Variants in DNAJC8 observed in about 807,000 individuals in gnomAD.
DNAJC8 encodes dnaJ homolog subfamily C member 8.
Under a neutral mutation model 43.2 loss-of-function variants are expected in DNAJC8, and 24 were observed. The ratio of observed to expected loss-of-function variants is 0.56; its 90% CI spans 0.40 to 0.78. The LOEUF (loss-of-function observed/expected upper bound fraction) is 0.78, where lower values mean the gene tolerates loss of function less well. Among genes scored for constraint, DNAJC8 ranks in the 30% least tolerant of loss-of-function variants. The pLI is 0.00. For missense variants in DNAJC8, 207 were observed against 299.4 expected (o/e 0.69, Z 2.28); for synonymous variants, 83 against 98.0 (o/e 0.85, Z 0.90).
At position 28,232,984 on chromosome 1, in the gene DNAJC8, T is replaced by C. The variant is rs1297280520; in HGVS notation, c.15A>G (p.Gly5=). The part of the protein sequence containing the change: MAAS[G]ESGTSGGGGS... ...CTCCGCCGCCTGAAGTCCCGCTCTCTCCTGAAGCCGCCATTTCCCCGGCCC... is the reference window on the plus strand; with the variant it reads ...CTCCGCCGCCTGAAGTCCCGCTCTCCCCTGAAGCCGCCATTTCCCCGGCCC... The change falls in exon 1 of 9, where the codon GGA becomes GGG. Residue 5 remains glycine, a synonymous_variant. Transcript: ENST00000263697. 1 of 1,612,520 alleles carries C rather than the reference T, an allele frequency of 6.2e-7. No individual in the cohort carries two copies. Among genetic ancestry groups the C allele is most frequent in the South Asian group, 1.1e-5 (1 of 91,072 alleles).
intron 5 of DNAJC8, chr1:28,208,629 T>C: frequency 2.9e-6 from 1 of 345,290 alleles, no homozygotes; most frequent in East Asian, 4.4e-5. Context: ...TCATCTAAAA[T>C]CCAATCTACC....
chr1:28,215,307 AAG>A (rs1646843548), intron 2 of DNAJC8, among the ~76,000 whole-genome samples: 1 of 152,308 alleles, frequency 6.6e-6, no homozygotes, highest in East Asian at 1.9e-4. Context: ...CATTCATTAA[AAG>A]AGTTTAACTC....
chr1:28,225,705 A>ATTTT (rs199980896), intron 2 of DNAJC8, among the ~76,000 whole-genome samples: 5 of 137,500 alleles, frequency 3.6e-5, no homozygotes, highest in Non-Finnish European at 4.7e-5. Flanking sequence ...TTAAATGGTA[A>ATTTT]TTTTTTTTTT....
chr1:28,218,947 A>C (rs1482632565), intron 2 of DNAJC8, among the ~76,000 whole-genome samples: 1 of 152,178 alleles, frequency 6.6e-6, no homozygotes, highest in East Asian at 1.9e-4. Flanking sequence ...TCTGAGGAAA[A>C]GGAATCTCTA....
chr1:28,221,527 T>C (rs1646898337), intron 2 of DNAJC8, among the ~76,000 whole-genome samples: 1 of 152,112 alleles, frequency 6.6e-6, no homozygotes, highest in Non-Finnish European at 1.5e-5. Flanking sequence ...CAATAACTAA[T>C]AGGGCACTAA....
Position 28,200,438 on chromosome 1 carries a change from T to C in DNAJC8, c.*810A>G. On this transcript the variant is annotated 3_prime_UTR_variant, in exon 9 of 9. Transcript: ENST00000263697. ...CTGCTGCAGTAATTCATATTCCCAT[T>C]TCATAGATGAAGAAACTAAGGTTCA... is the stretch of plus-strand genomic sequence containing the variant. 1 of 454,686 alleles carries C rather than the reference T, an allele frequency of 2.2e-6. No individual in the cohort carries two copies. The highest frequency in any genetic ancestry group is 4.4e-6 in the Non-Finnish European group (1 of 226,276). The allele number at this position is 454,686 out of a possible 1,614,324, so 28.2% of individuals were successfully genotyped here.
intron 3 of DNAJC8, among the ~76,000 whole-genome samples, chr1:28,211,614 A>G (rs1646810997): frequency 6.6e-6 from 1 of 151,638 alleles, no homozygotes; most frequent in South Asian, 2.1e-4. Flanking sequence ...CTTCTGAAAA[A>G]GACAACATTC....
chr1:28,221,780 A>G (rs1054215278), intron 2 of DNAJC8, among the ~76,000 whole-genome samples: 98 of 152,318 alleles, frequency 6.4e-4, no homozygotes, highest in African/African-American at 2.2e-3. Context: ...GTACTCTTCA[A>G]TATTTATACA....
chr1:28,202,685 G>A (rs1422634976), intron 8 of DNAJC8, among the ~76,000 whole-genome samples: 1 of 140,756 alleles, frequency 7.1e-6, no homozygotes, highest in Non-Finnish European at 1.5e-5. Flanking sequence ...GGTTCACACC[G>A]TTCTCCTGCC....
intron 6 of DNAJC8, among the ~76,000 whole-genome samples, chr1:28,207,119 T>G (rs976370842): frequency 5.3e-5 from 8 of 151,658 alleles, no homozygotes; most frequent in African/African-American, 1.9e-4. Context: ...GGTCCACGCC[T>G]GTAATCCCAG....
intron 6 of DNAJC8, among the ~76,000 whole-genome samples, chr1:28,206,723 G>A (rs1646770851): frequency 6.6e-6 from 1 of 152,150 alleles, no homozygotes; most frequent in South Asian, 2.1e-4. Flanking sequence ...AATAGACATG[G>A]AAGTACAAAA....
chr1:28,210,875 T>C (rs1470808365), intron 3 of DNAJC8, among the ~76,000 whole-genome samples: 3 of 152,176 alleles, frequency 2.0e-5, no homozygotes, highest in African/African-American at 7.2e-5. Context: ...AATCACAAAG[T>C]TGAGACCAAA....
intron 1 of DNAJC8, among the ~76,000 whole-genome samples, chr1:28,232,080 T>C (rs1557716130): frequency 6.6e-6 from 1 of 151,436 alleles, no homozygotes; most frequent in East Asian, 2.0e-4. Context: ...TATCCTTTTT[T>C]TCCTTCTTTT....
chr1:28,211,706 C>T (rs986194297), intron 3 of DNAJC8, among the ~76,000 whole-genome samples: 13 of 152,058 alleles, frequency 8.5e-5, no homozygotes, highest in African/African-American at 2.9e-4. Context: ...TTCAGATGAT[C>T]GTAGGGAATT....
At chr1:28,227,166 T>C (rs1311606758) in intron 2 of DNAJC8, among the ~76,000 whole-genome samples, 2 of 140,218 alleles carry the variant, frequency 1.4e-5, no homozygotes, top group Non-Finnish European at 3.1e-5. Flanking sequence ...CCTAGCACTT[T>C]GGGAGGCCGC....
At position 28,210,437 on chromosome 1, in the gene DNAJC8, G is replaced by A. The variant is rs1029205241; in HGVS notation, c.304+134C>T. 4.1e-5 allele frequency: 30 copies of A among 737,992 alleles called. No individual in the cohort carries two copies. In the African/African-American group the frequency reaches 4.2e-4, roughly 10 times the overall value. 45.7% of individuals were successfully genotyped at this position (737,992 alleles called of 1,614,324 possible). A position where few individuals can be genotyped will look rare whatever the true frequency, so the allele number is the denominator to read the frequency against. On this transcript the variant is annotated intron_variant, in intron 4 of 8. Coordinates refer to ENST00000263697, the MANE Select transcript of DNAJC8 (RefSeq NM_014280.3). ...AACATTCTGCTTTGAAATGGCAACT[G>A]CTCTACTGAAAACCACAGCTTCTTG...
intron 8 of DNAJC8, among the ~76,000 whole-genome samples, chr1:28,202,588 C>CT (rs369024181): frequency 3.9e-3 from 353 of 89,654 alleles, no homozygotes; most frequent in South Asian, 0.017. Flanking sequence ...CTTTTTTTTT[C>CT]TTTTTTTTTT....
rs1008817630 is a variant in DNAJC8 at position 28,227,202 on chromosome 1, A to T, written c.180+1720T>A. 3.6e-5 allele frequency among the ~76,000 whole-genome samples: 5 copies of T among 138,900 alleles called. No individual in the cohort carries two copies. The Admixed American group carries it at 3.9e-4, about 11-fold the overall frequency. 91.1% of individuals were successfully genotyped at this position (138,900 alleles called of 152,430 possible). A position where few individuals can be genotyped will look rare whatever the true frequency, so the allele number is the denominator to read the frequency against. On this transcript the variant is annotated intron_variant, in intron 2 of 8. Coordinates refer to ENST00000263697, the MANE Select transcript of DNAJC8 (RefSeq NM_014280.3). ...GACAGGTGGATCGCCTGAGCTCAGGAGTTCGAGACCAACCTGAACAATATG... is the reference window on the plus strand; with the variant it reads ...GACAGGTGGATCGCCTGAGCTCAGGTGTTCGAGACCAACCTGAACAATATG...
rs577681283 is a variant in DNAJC8 at position 28,204,947 on chromosome 1, T to C, written c.563+311A>G. 2.0e-5 allele frequency among the ~76,000 whole-genome samples: 3 copies of C among 151,074 alleles called. No individual in the cohort carries two copies. The South Asian group carries it at 6.3e-4, about 32-fold the overall frequency. On this transcript the variant is annotated intron_variant, in intron 7 of 8. Coordinates refer to ENST00000263697, the MANE Select transcript of DNAJC8 (RefSeq NM_014280.3). Reference sequence around the variant, plus strand: ...CTGAGGCAGGGGAACTGCTAGAACCTGGGAGGTGGAGGTTGCAGTGAGCCA... The same window carrying C: ...CTGAGGCAGGGGAACTGCTAGAACCCGGGAGGTGGAGGTTGCAGTGAGCCA...
Sources: gnomAD v4.1 joint callset for allele counts (sites outside exome capture counted in the v4.1 genomes callset) on GRCh38, gnomAD v4.1.1 for gene constraint, MANE v1.5 for transcripts, NCBI Gene and HGNC (gene_info 2026-07-23, HGNC 2026-07-21) for gene names.